PCDH15: variants seen among roughly 807,000 people sequenced by gnomAD.
PCDH15 encodes the protein protocadherin related 15.
A neutral mutation model predicts 178.5 loss-of-function variants in PCDH15; 129 were observed. That is an observed-to-expected ratio of 0.72 (90% CI 0.63 to 0.84). The LOEUF (loss-of-function observed/expected upper bound fraction) is 0.84, where lower values mean the gene tolerates loss of function less well. Ranked by LOEUF, PCDH15 falls within the 40% of genes least tolerant of loss-of-function variation. The probability of loss-of-function intolerance (pLI) is 0.00; values close to 1 mark genes in which losing one functional copy is unlikely to be tolerated. For synonymous variants in PCDH15, 800 were observed against 732.0 expected (o/e 1.09, Z -1.50); for missense variants, 2,230 against 2,099.9 (o/e 1.06, Z -1.21).
chr10:54,951,899 T>C (rs1221728189), intron 2 of PCDH15, among the ~76,000 whole-genome samples: 2 of 151,882 alleles, frequency 1.3e-5, no homozygotes, highest in African/African-American at 4.8e-5. Flanking sequence ...TTTTGTTTTA[T>C]TTTATTGTTT....
At chr10:54,792,112 G>C (rs1297184036) in intron 1 of PCDH15, among the ~76,000 whole-genome samples, 1 of 151,734 alleles carries the variant, frequency 6.6e-6, no homozygotes, top group Non-Finnish European at 1.5e-5. Context: ...TCTGGGGCAG[G>C]GCTCCAAAAT....
chr10:54,999,026 T>C (rs1051860631), intron 2 of PCDH15, among the ~76,000 whole-genome samples: 1 of 151,632 alleles, frequency 6.6e-6, no homozygotes, highest in Admixed American at 6.6e-5. Context: ...TCTTAGTTTT[T>C]ATGTATATAT....
intron 2 of PCDH15, among the ~76,000 whole-genome samples, chr10:54,565,984 T>C (rs2088967735): frequency 6.6e-6 from 1 of 152,140 alleles, no homozygotes; most frequent in Non-Finnish European, 1.5e-5. Flanking sequence ...CTTGGGAGGC[T>C]GAGGCAGTAG....
At chr10:54,905,644 G>A (rs1285743865) in intron 2 of PCDH15, among the ~76,000 whole-genome samples, 2 of 152,096 alleles carry the variant, frequency 1.3e-5, no homozygotes, top group African/African-American at 4.8e-5. Context: ...GCTTTTCAAG[G>A]AAACTAGGTC....
At position 54,288,319 on chromosome 10, in the gene PCDH15, C is replaced by CTAAA. The variant is rs527767166; in HGVS notation, c.876+28948_876+28951dup. ...TGGGCATCAGAGTGAGACTCCATCT[C>CTAAA]TAAATAAATACATAAATAAGAGAGA... On this transcript the variant is annotated intron_variant, in intron 8 of 37. Coordinates refer to ENST00000644397, the MANE Select transcript of PCDH15 (RefSeq NM_001384140.1). Among the ~76,000 whole-genome samples, 978 of 151,926 alleles carry CTAAA rather than the reference C, an allele frequency of 6.4e-3. 9 individuals carry two copies. The highest frequency in any genetic ancestry group is 0.022 in the African/African-American group (921 of 41,404).
chr10:54,058,463 T>G (rs1157139553), intron 18 of PCDH15, among the ~76,000 whole-genome samples: 3 of 152,108 alleles, frequency 2.0e-5, no homozygotes, highest in Admixed American at 1.3e-4. Flanking sequence ...CATCACATCT[T>G]GTGAGACTTA....
At position 53,812,409 on chromosome 10, in the gene PCDH15, T is replaced by G. The variant is rs368228726; in HGVS notation, c.4492-790A>C. Among the ~76,000 whole-genome samples, 88 of 152,196 alleles carry G rather than the reference T, an allele frequency of 5.8e-4. No homozygotes were observed. The East Asian group carries it at 0.011, about 19-fold the overall frequency. The stretch of plus-strand genomic sequence containing the variant: ...TTTTTTTTTTTGGTAGAGACGGGGT[T>G]TCACCATGTTAGCCAGGATGTTCTT... On this transcript the variant is annotated intron_variant, in intron 35 of 37. Coordinates refer to ENST00000644397, the MANE Select transcript of PCDH15 (RefSeq NM_001384140.1).
Position 54,467,021 on chromosome 10 carries a change from TTTAA to T in PCDH15, c.157+60787_157+60790del, listed in dbSNP as rs201924106. On this transcript the variant is annotated intron_variant, in intron 3 of 37. Transcript: ENST00000644397. Reference sequence around the variant, plus strand: ...ATTAATATTGTATCCTGTAACTTTATTTAATTTATATATCAAATCTAAGAAATTT... The same window carrying T: ...ATTAATATTGTATCCTGTAACTTTATTTTATATATCAAATCTAAGAAATTT... 8.6e-3 allele frequency among the ~76,000 whole-genome samples: 1,304 copies of T among 152,084 alleles called. 20 individuals are homozygous for T. The highest frequency in any genetic ancestry group is 0.028 in the African/African-American group (1,172 of 41,542).
rs1472268403 is a variant in PCDH15, at chr10:54,435,490, T to C, written c.158-56548A>G. ...ACTATATTGCAGACAAAGGGCGGACTGCAAATGCAGCTGCCGAACAAATAT... is the reference window on the plus strand; with the variant it reads ...ACTATATTGCAGACAAAGGGCGGACCGCAAATGCAGCTGCCGAACAAATAT... On this transcript the variant is annotated intron_variant, in intron 3 of 37. Coordinates refer to ENST00000644397, the MANE Select transcript of PCDH15 (RefSeq NM_001384140.1). Among the ~76,000 whole-genome samples, 5 of 152,226 alleles carry C rather than the reference T, an allele frequency of 3.3e-5. No individual in the cohort carries two copies. In the East Asian group the frequency reaches 7.7e-4, roughly 23 times the overall value.
chr10:54,023,156 G>A lies in PCDH15; in HGVS notation c.2262C>T (p.Tyr754=), dbSNP rs373539084. ...AAAGATTATTAAAGTTACCCAAACT[G>A]TAGTGCACTTGACCATTTATTCCAG... ...PDAGINGQVH[Y]SLGNFNNLFR... Residue 754 remains tyrosine (Y), a synonymous_variant, in exon 19 of 38, where the codon TAC becomes TAT. Transcript: ENST00000644397. 2.9e-5 allele frequency: 46 copies of A among 1,613,650 alleles called. No homozygotes were observed. The highest frequency in any genetic ancestry group is 3.0e-5 in the Non-Finnish European group (35 of 1,179,874).
At position 55,540,688 on chromosome 10, in the gene PCDH15, A is replaced by G. The variant is rs1429850158; in HGVS notation, c.-156+86937T>C. Among the ~76,000 whole-genome samples the G allele has an allele frequency of 2.6e-5, 4 of 152,232 alleles. No homozygotes were observed. In the East Asian group the frequency reaches 7.7e-4, roughly 29 times the overall value. On this transcript the variant is annotated intron_variant, in intron 2 of 5. Transcript: ENST00000613346. Reference sequence around the variant, plus strand: ...AGGACAGGCTTTCCTCGAATAACTAAATCCACAATTTTATTTCATAGATCA... The same window carrying G: ...AGGACAGGCTTTCCTCGAATAACTAGATCCACAATTTTATTTCATAGATCA...
rs755874514 is a variant in PCDH15 at position 54,752,476 on chromosome 10, CAAAAA to C, written c.-29+48444_-29+48448del. Among the ~76,000 whole-genome samples, 28 of 89,784 alleles carry C rather than the reference CAAAAA, an allele frequency of 3.1e-4. 1 individual carries two copies. Among genetic ancestry groups the C allele is most frequent in the African/African-American group, 9.2e-4 (21 of 22,710 alleles). The allele number at this position is 89,784 out of a possible 152,430, so 58.9% of individuals were successfully genotyped here. A position where few individuals can be genotyped will look rare whatever the true frequency, so the allele number is the denominator to read the frequency against. On this transcript the variant is annotated intron_variant, in intron 1 of 37. Transcript: ENST00000644397. The stretch of plus-strand genomic sequence containing the variant: ...TGGGTGACAGAACGAGACTCCGTCT[CAAAAA>C]AAAAAAAAAACAAAAAACAAAAAAC...
chr10:54,049,606 T>A lies in PCDH15; in HGVS notation c.2220+17151A>T, dbSNP rs185756085. Among the ~76,000 whole-genome samples, 551 of 151,096 alleles carry A rather than the reference T, an allele frequency of 3.6e-3. 5 individuals are homozygous for A. Among genetic ancestry groups the A allele is most frequent in the African/African-American group, 0.012 (505 of 41,252 alleles). Reference sequence around the variant, plus strand: ...ATATTGGATTTTATCAAAAGCTTTTTCTGCATCTATTGTGATGATTTTTTT... The same window carrying A: ...ATATTGGATTTTATCAAAAGCTTTTACTGCATCTATTGTGATGATTTTTTT... On this transcript the variant is annotated intron_variant, in intron 18 of 37. Coordinates refer to ENST00000644397, the MANE Select transcript of PCDH15 (RefSeq NM_001384140.1).
At chr10:54,374,502 G>A (rs1447564659) in intron 4 of PCDH15, among the ~76,000 whole-genome samples, 2 of 151,918 alleles carry the variant, frequency 1.3e-5, no homozygotes, top group Non-Finnish European at 2.9e-5. Context: ...GCCCAATAGT[G>A]ATGAGAGCAT....
At chr10:54,286,345 A>C (rs1291785131) in intron 8 of PCDH15, among the ~76,000 whole-genome samples, 2 of 152,162 alleles carry the variant, frequency 1.3e-5, no homozygotes, top group African/African-American at 2.4e-5. Context: ...GTCAAAAACA[A>C]AATTTTTAAA....
chr10:54,418,109 T>G (rs1774649), intron 3 of PCDH15, among the ~76,000 whole-genome samples: 21,533 of 152,106 alleles, frequency 0.14, 1,613 homozygotes, highest in Middle Eastern at 0.23. Context: ...AGTCAGCTTT[T>G]TCAAGAACTG....
Position 54,686,567 on chromosome 10 carries a change from C to T in PCDH15, c.-28-22277G>A, listed in dbSNP as rs182436296. On this transcript the variant is annotated intron_variant, in intron 1 of 37. Coordinates refer to ENST00000644397, the MANE Select transcript of PCDH15 (RefSeq NM_001384140.1). Reference sequence around the variant, plus strand: ...TGAGTCTTACATTTACGTCAATAACCTATTTTGAATTTTTTGTGTGTATGG... The same window carrying T: ...TGAGTCTTACATTTACGTCAATAACTTATTTTGAATTTTTTGTGTGTATGG... 2.6e-5 allele frequency among the ~76,000 whole-genome samples: 4 copies of T among 152,058 alleles called. No homozygotes were observed. The East Asian group carries it at 5.8e-4, about 22-fold the overall frequency.
At chr10:55,311,879 C>T (rs1260697621) in intron 1 of PCDH15, among the ~76,000 whole-genome samples, 1 of 152,176 alleles carries the variant, frequency 6.6e-6, no homozygotes, top group African/African-American at 2.4e-5. Flanking sequence ...AAATTTTGAT[C>T]TTAGATGCAG....
At chr10:55,098,630 C>A (rs1295373105) in intron 2 of PCDH15, among the ~76,000 whole-genome samples, 3 of 151,976 alleles carry the variant, frequency 2.0e-5, no homozygotes, top group Non-Finnish European at 4.4e-5. Flanking sequence ...GCCAGCCAGA[C>A]AATGACCCCA....
Sources: gnomAD v4.1 joint callset for allele counts (sites outside exome capture counted in the v4.1 genomes callset) on GRCh38, gnomAD v4.1.1 for gene constraint, MANE v1.5 for transcripts, NCBI Gene and HGNC (gene_info 2026-07-23, HGNC 2026-07-21) for gene names.